The following KBTBD12 variants were observed in gnomAD, a reference collection of about 807,000 sequenced individuals.
The protein encoded by KBTBD12 is kelch repeat and BTB domain containing 12.
A neutral mutation model predicts 58.7 loss-of-function variants in KBTBD12; 53 were observed. That is an observed-to-expected ratio of 0.90 (90% CI 0.72 to 1.14). The LOEUF (loss-of-function observed/expected upper bound fraction) is 1.14. KBTBD12 is among the 50% of genes most tolerant of loss of function. KBTBD12 has a pLI of 0.00. For synonymous variants in KBTBD12, 236 were observed against 259.8 expected, an observed-to-expected ratio of 0.91 and a Z score of 0.88; for missense variants, 704 against 751.3, an observed-to-expected ratio of 0.94 and a Z score of 0.74.
intron 5 of KBTBD12, among the ~76,000 whole-genome samples, chr3:127,977,647 C>G (rs896236866): frequency 1.3e-5 from 2 of 152,122 alleles, no homozygotes; most frequent in East Asian, 1.9e-4. Flanking sequence ...AGTGTCTGTT[C>G]GTGTCCTTTG....
chr3:127,964,084 A>G (rs1436159368), intron 5 of KBTBD12, among the ~76,000 whole-genome samples: 1 of 152,232 alleles, frequency 6.6e-6, no homozygotes, highest in African/African-American at 2.4e-5. Context: ...AACTATGCAT[A>G]AATCTAGTAG....
intron 4 of KBTBD12, among the ~76,000 whole-genome samples, chr3:127,940,474 A>G (rs1463133187): frequency 6.6e-6 from 1 of 152,210 alleles, no homozygotes; most frequent in Non-Finnish European, 1.5e-5. Flanking sequence ...TAAATAATCC[A>G]TGGGTTAAAG....
chr3:127,915,350 G>C lies in KBTBD12; in HGVS notation c.-349G>C, dbSNP rs551458512. 1.0e-4 allele frequency: 16 copies of C among 152,624 alleles called. No homozygotes were observed. The highest frequency in any genetic ancestry group is 2.9e-4 in the African/African-American group (12 of 41,598). The allele number at this position is 152,624 out of a possible 1,614,324, so 9.5% of individuals were successfully genotyped here. A position where few individuals can be genotyped will look rare whatever the true frequency, so the allele number is the denominator to read the frequency against. The stretch of plus-strand genomic sequence containing the variant: ...GCACAGTGGCTGGAGGGCAGCGGCG[G>C]CGTGGTCTCGGGCCACTTCCAAGCA... On this transcript the variant is annotated 5_prime_UTR_variant, in exon 1 of 6. Coordinates refer to ENST00000405109, the MANE Select transcript of KBTBD12 (RefSeq NM_207335.4).
intron 2 of KBTBD12, among the ~76,000 whole-genome samples, chr3:127,925,068 TG>T (rs1375867175): frequency 1.3e-5 from 2 of 152,240 alleles, no homozygotes; most frequent in African/African-American, 2.4e-5. Flanking sequence ...AAAGAGGGAA[TG>T]AAGAGGTCTA....
chr3:127,978,379 G>A (rs779406489), intron 5 of KBTBD12, among the ~76,000 whole-genome samples: 1 of 152,182 alleles, frequency 6.6e-6, no homozygotes, highest in African/African-American at 2.4e-5. Context: ...TGAGAACTCT[G>A]AAAAGTAAAT....
At chr3:127,964,868 A>G (rs977224538) in intron 5 of KBTBD12, among the ~76,000 whole-genome samples, 3 of 152,220 alleles carry the variant, frequency 2.0e-5, no homozygotes, top group Non-Finnish European at 2.9e-5. Flanking sequence ...TTTACATTAA[A>G]CATTACATGC....
chr3:127,983,678 G>A (rs1381989078), intron 5 of KBTBD12, among the ~76,000 whole-genome samples: 5 of 152,202 alleles, frequency 3.3e-5, no homozygotes, highest in African/African-American at 9.6e-5. Flanking sequence ...GCTTGAACCC[G>A]GGAGGCGGAG....
chr3:127,963,144 G>C (rs770589383), intron 4 of KBTBD12, 45 bp from the exon 5 acceptor site: 14 of 1,503,964 alleles, frequency 9.3e-6, no homozygotes, highest in Non-Finnish European at 1.3e-5. Context: ...CCACAATTGA[G>C]TTTCAGTTCC....
rs564606148 is a variant in KBTBD12, at chr3:127,927,173, A to G, written c.1071-591A>G. ...TGCCACATCTAGTAGATTAAAATAG[A>G]TGTTAAGTGCCCAGCAGACATCTAC... On this transcript the variant is annotated intron_variant, in intron 2 of 5. Transcript: ENST00000405109. Among the ~76,000 whole-genome samples the G allele has an allele frequency of 1.4e-4, 22 of 152,250 alleles. No homozygotes were observed. In the East Asian group the frequency reaches 3.1e-3, roughly 21 times the overall value.
intron 4 of KBTBD12, among the ~76,000 whole-genome samples, chr3:127,954,845 C>G (rs1256648618): frequency 6.6e-6 from 1 of 152,216 alleles, no homozygotes; most frequent in Admixed American, 6.5e-5. Context: ...ACCCTGTTCC[C>G]TTTGCGTGTA....
At chr3:127,969,490 A>G (rs778941624) in intron 5 of KBTBD12, among the ~76,000 whole-genome samples, 27 of 152,220 alleles carry the variant, frequency 1.8e-4, no homozygotes, top group Non-Finnish European at 3.7e-4. Flanking sequence ...ATGGAAATGT[A>G]AGAGACCCAG....
chr3:127,955,652 G>A (rs932543299), intron 4 of KBTBD12, among the ~76,000 whole-genome samples: 1 of 152,098 alleles, frequency 6.6e-6, no homozygotes, highest in Non-Finnish European at 1.5e-5. Context: ...AAATATAGAG[G>A]CAATTCTGGC....
Position 127,923,321 on chromosome 3 carries a change from A to C in KBTBD12, c.260A>C (p.Asn87Thr). 1 of 1,613,894 alleles carries C rather than the reference A, an allele frequency of 6.2e-7. No homozygotes were observed. Among genetic ancestry groups the C allele is most frequent in the Non-Finnish European group, 8.5e-7 (1 of 1,179,818 alleles). Residue 87 changes from asparagine (N) to threonine (T), a missense_variant, in exon 2 of 6, where the codon AAT (asparagine) becomes ACT (threonine). Physicochemically the swap from Asn to Thr is moderately conservative, Grantham distance 65 (BLOSUM62 0). Transcript: ENST00000405109. ...GCAGAAAGTGTGTCGGTGTTATTAA[A>C]TTACATGTACAATGCAGCTTTGGAG... ...ITAESVSVLL[N>T]YMYNAALEIN...
intron 4 of KBTBD12, among the ~76,000 whole-genome samples, chr3:127,961,929 A>G (rs367752287): frequency 2.2e-4 from 33 of 152,368 alleles, no homozygotes; most frequent in African/African-American, 7.9e-4. Context: ...TATGTGATAC[A>G]TATAGTAAAA....
At position 127,928,128 on chromosome 3, in the gene KBTBD12, G is replaced by A. The variant is rs757566550; in HGVS notation, c.1341+94G>A. ...TGTAGTTGTTGAATGCTAAAAGAGT[G>A]TGACTTACATTTTGGTAAAATGCTT... On this transcript the variant is annotated intron_variant, in intron 3 of 5. Coordinates refer to ENST00000405109, the MANE Select transcript of KBTBD12 (RefSeq NM_207335.4). The A allele has an allele frequency of 2.7e-6, 3 of 1,106,278 alleles. No homozygotes were observed. In the African/African-American group the frequency reaches 4.7e-5, roughly 17 times the overall value. 68.5% of individuals were successfully genotyped at this position (1,106,278 alleles called of 1,614,324 possible). A position where few individuals can be genotyped will look rare whatever the true frequency, so the allele number is the denominator to read the frequency against.
intron 5 of KBTBD12, among the ~76,000 whole-genome samples, chr3:127,965,925 C>A (rs1181043621): frequency 6.6e-6 from 1 of 152,086 alleles, no homozygotes; most frequent in Admixed American, 6.5e-5. Context: ...AACCTGGAAC[C>A]CCAGATAATC....
At chr3:127,952,012 T>C (rs1206761603) in intron 4 of KBTBD12, among the ~76,000 whole-genome samples, 1 of 152,218 alleles carries the variant, frequency 6.6e-6, no homozygotes, top group Non-Finnish European at 1.5e-5. Context: ...CAAGAATTCA[T>C]GCCAGTACCT....
intron 4 of KBTBD12, among the ~76,000 whole-genome samples, chr3:127,935,937 A>C (rs1354119364): frequency 6.6e-6 from 1 of 152,236 alleles, no homozygotes; most frequent in Non-Finnish European, 1.5e-5. Context: ...ATATCATCAG[A>C]CAAAATAGAG....
At chr3:127,920,422 T>C (rs1233234862) in intron 1 of KBTBD12, among the ~76,000 whole-genome samples, 1 of 151,462 alleles carries the variant, frequency 6.6e-6, no homozygotes, top group Non-Finnish European at 1.5e-5. Context: ...TACTATATTC[T>C]CTAGTGAATA....
Sources: allele counts gnomAD v4.1 joint callset (sites outside exome capture counted in the v4.1 genomes callset), GRCh38; gene constraint gnomAD v4.1.1; transcripts MANE v1.5; gene names NCBI Gene and HGNC (gene_info 2026-07-23, HGNC 2026-07-21).